Variants in SETBP1 observed in about 807,000 individuals in gnomAD.
The protein encoded by SETBP1 is SET-binding protein.
A neutral mutation model predicts 101.0 loss-of-function variants in SETBP1; 9 were observed. The ratio of observed to expected loss-of-function variants is 0.09; its 90% CI spans 0.05 to 0.16. The LOEUF (loss-of-function observed/expected upper bound fraction) is 0.16, where lower values mean the gene tolerates loss of function less well. Among genes scored for constraint, SETBP1 ranks in the 10% least tolerant of loss-of-function variants. The pLI, the probability that SETBP1 is intolerant of heterozygous loss-of-function variation, is 1.00. For synonymous variants in SETBP1, 818 were observed against 788.5 expected (o/e 1.04, Z -0.63); for missense variants, 1,858 against 2,033.8 (o/e 0.91, Z 1.66).
At chr18:44,862,166 A>G (rs1351015780) in intron 2 of SETBP1, among the ~76,000 whole-genome samples, 4 of 152,198 alleles carry the variant, frequency 2.6e-5, no homozygotes, top group Non-Finnish European at 2.9e-5. Flanking sequence ...AATATATATA[A>G]AAGCTCTCTT....
Position 45,063,815 on chromosome 18 carries a change from G to T in SETBP1, c.*117G>T. ...GACACCCACGCCCTTCTCTCCAGAA[G>T]CCGGGCAGGCAGAATCCGGCCAGAC... On this transcript the variant is annotated 3_prime_UTR_variant, in exon 6 of 6. Transcript: ENST00000649279. 2.4e-6 allele frequency: 3 copies of T among 1,235,974 alleles called. No homozygotes were observed. In the South Asian group the frequency reaches 4.4e-5, roughly 18 times the overall value. The allele number at this position is 1,235,974 out of a possible 1,614,324, so 76.6% of individuals were successfully genotyped here.
chr18:44,846,953 G>A (rs1261911375), intron 2 of SETBP1, among the ~76,000 whole-genome samples: 4 of 152,180 alleles, frequency 2.6e-5, no homozygotes, highest in Non-Finnish European at 4.4e-5. Flanking sequence ...TGCATGAAAG[G>A]TGCTGTCCTT....
At chr18:44,966,457 G>A (rs1418688387) in intron 4 of SETBP1, among the ~76,000 whole-genome samples, 1 of 152,130 alleles carries the variant, frequency 6.6e-6, no homozygotes, top group Non-Finnish European at 1.5e-5. Flanking sequence ...CTTCTCTGAT[G>A]TAACTAATAT....
At chr18:44,838,176 A>C (rs188571583) in intron 2 of SETBP1, among the ~76,000 whole-genome samples, 1 of 152,326 alleles carries the variant, frequency 6.6e-6, no homozygotes, top group Admixed American at 6.5e-5. Flanking sequence ...TTTGTGAGCC[A>C]CATTTAACAC....
At chr18:45,056,494 A>T (rs1297468660) in intron 5 of SETBP1, among the ~76,000 whole-genome samples, 1 of 152,254 alleles carries the variant, frequency 6.6e-6, no homozygotes, top group Non-Finnish European at 1.5e-5. Flanking sequence ...TTATTTAGGT[A>T]AAATATAAAT....
intron 2 of SETBP1, among the ~76,000 whole-genome samples, chr18:44,824,191 G>A (rs1273169178): frequency 2.6e-5 from 4 of 152,072 alleles, no homozygotes; most frequent in Non-Finnish European, 4.4e-5. Flanking sequence ...TAAATCTTAA[G>A]GCTGCAGCTC....
chr18:44,937,890 C>T (rs2070999428), intron 3 of SETBP1, among the ~76,000 whole-genome samples: 1 of 152,148 alleles, frequency 6.6e-6, no homozygotes, highest in African/African-American at 2.4e-5. Flanking sequence ...CTTTCTCCCC[C>T]GTCCCATAGT....
intron 4 of SETBP1, among the ~76,000 whole-genome samples, chr18:44,978,694 A>G (rs1330995037): frequency 1.3e-5 from 2 of 152,204 alleles, no homozygotes; most frequent in Non-Finnish European, 2.9e-5. Flanking sequence ...AACACCAACC[A>G]TAGTGAGTCT....
intron 2 of SETBP1, among the ~76,000 whole-genome samples, chr18:44,834,763 A>G (rs2072459532): frequency 6.6e-6 from 1 of 152,242 alleles, no homozygotes; most frequent in Non-Finnish European, 1.5e-5. Context: ...AGTGACCAAC[A>G]GGGGCAAGAC....
At position 44,910,800 on chromosome 18, in the gene SETBP1, T is replaced by C. The variant is rs57322345; in HGVS notation, c.541-39081T>C. ...GTAGGGTTGTTTCTACTTTTAGCTC[T>C]CCTCTAGTGCCTCCCCACAGGGAAA... On this transcript the variant is annotated intron_variant, in intron 3 of 5. Transcript: ENST00000649279. Among the ~76,000 whole-genome samples the C allele has an allele frequency of 5.3e-4, 80 of 152,292 alleles. 1 individual carries two copies. In the East Asian group the frequency reaches 0.014, roughly 28 times the overall value.
chr18:44,877,932 C>T (rs1162906425), intron 3 of SETBP1, among the ~76,000 whole-genome samples: 1 of 152,150 alleles, frequency 6.6e-6, no homozygotes, highest in Non-Finnish European at 1.5e-5. Context: ...AATTCCAAGA[C>T]ATTCTGACCA....
intron 2 of SETBP1, among the ~76,000 whole-genome samples, chr18:44,780,934 C>A (rs2071117001): frequency 6.6e-6 from 1 of 152,154 alleles, no homozygotes; most frequent in Admixed American, 6.5e-5. Flanking sequence ...GATGAGAAAT[C>A]TGGCTGGCGG....
At chr18:44,974,427 G>A (rs2071940534) in intron 4 of SETBP1, among the ~76,000 whole-genome samples, 1 of 152,212 alleles carries the variant, frequency 6.6e-6, no homozygotes, top group African/African-American at 2.4e-5. Context: ...GATAGAGACT[G>A]CAGGACTGCA....
intron 2 of SETBP1, among the ~76,000 whole-genome samples, chr18:44,744,659 G>A (rs2070186533): frequency 6.6e-6 from 1 of 152,090 alleles, no homozygotes; most frequent in Admixed American, 6.5e-5. Context: ...CTGGAAGCCG[G>A]GCCAAACGCA....
At chr18:44,905,131 T>G (rs2070143154) in intron 3 of SETBP1, among the ~76,000 whole-genome samples, 1 of 152,174 alleles carries the variant, frequency 6.6e-6, no homozygotes, top group African/African-American at 2.4e-5. Flanking sequence ...GATAACATAC[T>G]GGTACAACCC....
intron 1 of SETBP1, among the ~76,000 whole-genome samples, chr18:44,692,737 A>G (rs2144140323): frequency 6.6e-6 from 1 of 152,318 alleles, no homozygotes; most frequent in South Asian, 2.1e-4. Context: ...GTCTCCATGA[A>G]GGAGGTGAAA....
chr18:44,998,817 A>G (rs1056164684), intron 4 of SETBP1, among the ~76,000 whole-genome samples: 2 of 152,242 alleles, frequency 1.3e-5, no homozygotes, highest in African/African-American at 4.8e-5. Context: ...CTGCTGTTTT[A>G]TGAGAAACAG....
intron 2 of SETBP1, among the ~76,000 whole-genome samples, chr18:44,804,524 C>G (rs2071685307): frequency 6.6e-6 from 1 of 152,088 alleles, no homozygotes; most frequent in Admixed American, 6.5e-5. Flanking sequence ...ACTTATTTTG[C>G]AAGATTTGGT....
chr18:44,748,162 G>T (rs1324506978), intron 2 of SETBP1, among the ~76,000 whole-genome samples: 4 of 151,996 alleles, frequency 2.6e-5, no homozygotes, highest in East Asian at 1.9e-4. Context: ...AAAGATAGAA[G>T]AAAGGAAGGA....
Sources: allele counts gnomAD v4.1 joint callset (sites outside exome capture counted in the v4.1 genomes callset), GRCh38; gene constraint gnomAD v4.1.1; transcripts MANE v1.5; gene names NCBI Gene and HGNC (gene_info 2026-07-23, HGNC 2026-07-21).